Variants in CCSER1 observed in about 807,000 individuals in gnomAD.
CCSER1 encodes coiled-coil serine rich protein 1.
A neutral mutation model predicts 82.0 loss-of-function variants in CCSER1; 41 were observed. The observed-to-expected ratio is 0.50, with a 90% CI of 0.39 to 0.65. CCSER1 has a LOEUF of 0.65. Among genes scored for constraint, CCSER1 ranks in the 30% least tolerant of loss-of-function variants. The pLI is 0.00. For synonymous variants in CCSER1, 414 were observed against 383.9 expected (o/e 1.08, Z -0.92); for missense variants, 1,119 against 1,064.2 (o/e 1.05, Z -0.72).
rs1354277624 is a variant in CCSER1, at chr4:90,687,475, G to C, written c.1933-36439G>C. 3.3e-5 allele frequency among the ~76,000 whole-genome samples: 5 copies of C among 151,976 alleles called. No homozygotes were observed. The East Asian group carries it at 7.8e-4, about 24-fold the overall frequency. On this transcript the variant is annotated intron_variant, in intron 6 of 10. Coordinates refer to ENST00000509176, the MANE Select transcript of CCSER1 (RefSeq NM_001145065.2). ...TTTTTTCACCCAATGAAAATTGCTG[G>C]GTCATCTGTGACAGCCTCTTTTGGA...
chr4:90,218,430 T>A (rs777303845), intron 1 of CCSER1, among the ~76,000 whole-genome samples: 1 of 152,290 alleles, frequency 6.6e-6, no homozygotes. Context: ...TTTACTTTTG[T>A]AACAAACTTG....
At chr4:91,195,572 T>G (rs2149056250) in intron 10 of CCSER1, among the ~76,000 whole-genome samples, 1 of 152,334 alleles carries the variant, frequency 6.6e-6, no homozygotes, top group East Asian at 1.9e-4. Flanking sequence ...AGACGCTGTA[T>G]TCTGAAATCA....
chr4:90,422,261 G>C (rs1017513279), intron 4 of CCSER1, among the ~76,000 whole-genome samples: 2 of 152,164 alleles, frequency 1.3e-5, no homozygotes, highest in Non-Finnish European at 2.9e-5. Flanking sequence ...TCCTTGGCCA[G>C]TGGCCAAGAG....
intron 8 of CCSER1, among the ~76,000 whole-genome samples, chr4:90,836,351 A>C (rs1304154479): frequency 6.6e-6 from 1 of 152,134 alleles, no homozygotes; most frequent in Non-Finnish European, 1.5e-5. Flanking sequence ...AAAAACAAAA[A>C]AAAAACAAGC....
At chr4:91,422,500 T>G (rs1389182647) in intron 10 of CCSER1, among the ~76,000 whole-genome samples, 1 of 152,208 alleles carries the variant, frequency 6.6e-6, no homozygotes, top group Non-Finnish European at 1.5e-5. Context: ...TAATTTTGTA[T>G]GCATATATTT....
intron 10 of CCSER1, among the ~76,000 whole-genome samples, chr4:91,353,684 A>C (rs1207525458): frequency 6.6e-6 from 1 of 152,094 alleles, no homozygotes; most frequent in Admixed American, 6.5e-5. Context: ...CAATAGATTG[A>C]TAGTGATTTA....
intron 5 of CCSER1, among the ~76,000 whole-genome samples, chr4:90,618,959 TTAACCCA>T (rs1436220967): frequency 6.6e-6 from 1 of 151,794 alleles, no homozygotes; most frequent in Non-Finnish European, 1.5e-5. Context: ...CCAAAAATAC[TTAACCCA>T]TAACTGTAAG....
At chr4:90,401,568 C>G (rs1421261616) in intron 4 of CCSER1, among the ~76,000 whole-genome samples, 1 of 152,184 alleles carries the variant, frequency 6.6e-6, no homozygotes, top group Non-Finnish European at 1.5e-5. Flanking sequence ...AGGTCTGGCT[C>G]TGTTGCCCAG....
chr4:90,773,773 A>T (rs1050702656), intron 7 of CCSER1, among the ~76,000 whole-genome samples: 1 of 152,220 alleles, frequency 6.6e-6, no homozygotes, highest in South Asian at 2.1e-4. Flanking sequence ...AATTACAATA[A>T]CATTATTTCT....
At position 91,085,999 on chromosome 4, in the gene CCSER1, G is replaced by C. The variant is rs373384095; in HGVS notation, c.2217+5G>C. On this transcript the variant is annotated splice_donor_5th_base_variant and intron_variant, in intron 10 of 10. Transcript: ENST00000509176. ...ACAGTACAAGGAGGGAGAGAGGTAA[G>C]AATGTTTAAAGAAGAGGGGTGGGAA... The C allele has an allele frequency of 2.0e-4, 298 of 1,507,114 alleles. No homozygotes were observed. Among genetic ancestry groups the C allele is most frequent in the Non-Finnish European group, 2.5e-4 (279 of 1,107,106 alleles). 93.4% of individuals were successfully genotyped at this position (1,507,114 alleles called of 1,614,324 possible). A position where few individuals can be genotyped will look rare whatever the true frequency, so the allele number is the denominator to read the frequency against.
At chr4:91,441,906 A>C (rs1424242835) in intron 10 of CCSER1, among the ~76,000 whole-genome samples, 1 of 152,158 alleles carries the variant, frequency 6.6e-6, no homozygotes, top group Admixed American at 6.5e-5. Context: ...TAGGAATCCA[A>C]CTTACAAGGG....
intron 10 of CCSER1, among the ~76,000 whole-genome samples, chr4:91,294,865 A>T (rs1426049178): frequency 6.6e-6 from 1 of 151,954 alleles, no homozygotes; most frequent in Non-Finnish European, 1.5e-5. Flanking sequence ...AGTTGTACAT[A>T]TATTTTGGGA....
intron 10 of CCSER1, among the ~76,000 whole-genome samples, chr4:91,163,056 C>G (rs1010315571): frequency 4.6e-5 from 7 of 152,156 alleles, no homozygotes; most frequent in Non-Finnish European, 1.0e-4. Flanking sequence ...CCTGCTTTCT[C>G]TTGTGGGCAT....
intron 5 of CCSER1, among the ~76,000 whole-genome samples, chr4:90,552,838 G>A (rs1249249626): frequency 1.3e-5 from 2 of 152,120 alleles, no homozygotes; most frequent in African/African-American, 4.8e-5. Context: ...TAATATCAAG[G>A]TGTATTGTAA....
chr4:91,111,718 A>G (rs182260010), intron 10 of CCSER1, among the ~76,000 whole-genome samples: 1 of 151,778 alleles, frequency 6.6e-6, no homozygotes, highest in Admixed American at 6.6e-5. Flanking sequence ...ATACTCTATA[A>G]TTCATGAGGT....
intron 10 of CCSER1, among the ~76,000 whole-genome samples, chr4:91,352,735 A>G (rs1377085343): frequency 6.6e-6 from 1 of 152,192 alleles, no homozygotes; most frequent in Non-Finnish European, 1.5e-5. Flanking sequence ...TGTGGAATGA[A>G]GTTTTAACCA....
At chr4:90,336,108 C>CT in intron 3 of CCSER1, among the ~76,000 whole-genome samples, 1 of 152,082 alleles carries the variant, frequency 6.6e-6, no homozygotes, top group Non-Finnish European at 1.5e-5. Flanking sequence ...ATAATTAATC[C>CT]TTTTTTTCTA....
intron 8 of CCSER1, among the ~76,000 whole-genome samples, chr4:90,858,683 C>T (rs934599097): frequency 6.6e-6 from 1 of 151,768 alleles, no homozygotes; most frequent in African/African-American, 2.4e-5. Flanking sequence ...ACCTTTACCA[C>T]GTCTATGGTC....
rs956336262 is a variant in CCSER1 at position 91,563,946 on chromosome 4, C to A, written c.2218-34626C>A. On this transcript the variant is annotated intron_variant, in intron 10 of 10. Coordinates refer to ENST00000509176, the MANE Select transcript of CCSER1 (RefSeq NM_001145065.2). ...TGAAGGTTTGTTTCATAGGTAAACA[C>A]GTGTCATGATAGTTTGTTATAAATA... 4.0e-5 allele frequency among the ~76,000 whole-genome samples: 6 copies of A among 151,714 alleles called. No individual in the cohort carries two copies. The South Asian group carries it at 1.2e-3, about 31-fold the overall frequency.
Sources: allele counts gnomAD v4.1 joint callset (sites outside exome capture counted in the v4.1 genomes callset), GRCh38; gene constraint gnomAD v4.1.1; transcripts MANE v1.5; gene names NCBI Gene and HGNC (gene_info 2026-07-23, HGNC 2026-07-21).